OSBPL3: variants seen among roughly 807,000 people sequenced by gnomAD.
OSBPL3 encodes oxysterol-binding protein-related protein 3.
In OSBPL3, 65 loss-of-function variants were observed where a neutral mutation model predicts 120.1. That is an observed-to-expected ratio of 0.54 (90% CI 0.44 to 0.67). OSBPL3 has a LOEUF of 0.67. Among genes scored for constraint, OSBPL3 ranks in the 30% least tolerant of loss-of-function variants. OSBPL3 has a pLI of 0.00. For missense variants in OSBPL3, 1,004 were observed against 1,082.1 expected (o/e 0.93, Z 1.01); for synonymous variants, 416 against 402.6 (o/e 1.03, Z -0.40).
Position 24,894,573 on chromosome 7 carries a change from G to A in OSBPL3, c.-149-1952C>T, listed in dbSNP as rs1449197641. On this transcript the variant is annotated intron_variant, in intron 1 of 22. Transcript: ENST00000313367. This position sits in a 1 kb window ranked among gnomAD's most constrained non-coding sequence, Gnocchi z 4.1. ...AAATGTGTGTCTGTGCTTGGGGCGG[G>A]GAGGGGGCATCCACTGCTATGGCAA... Among the ~76,000 whole-genome samples, 1 of 152,174 alleles carries A rather than the reference G, an allele frequency of 6.6e-6. No individual in the cohort carries two copies. Among genetic ancestry groups the A allele is most frequent in the Non-Finnish European group, 1.5e-5 (1 of 68,036 alleles).
chr7:24,808,468 G>A lies in OSBPL3; in HGVS notation c.2317+1339C>T, dbSNP rs756915172. ...GGTACTTTAACACTGAGACAGGATC[G>A]CAGTTCTCATCTGTGATGCATACTT... On this transcript the variant is annotated intron_variant, in intron 20 of 22. Transcript: ENST00000313367. The surrounding 1 kb of genome is among the most constrained non-coding windows in gnomAD (Gnocchi z 4.6). Among the ~76,000 whole-genome samples, 8 of 152,178 alleles carry A rather than the reference G, an allele frequency of 5.3e-5. No individual in the cohort carries two copies. Among genetic ancestry groups the A allele is most frequent in the Non-Finnish European group, 1.2e-4 (8 of 68,032 alleles).
chr7:24,892,350 T>C, intron 2 of OSBPL3, 27 bp downstream of exon 2: 1 of 1,605,010 alleles, frequency 6.2e-7, no homozygotes, highest in Non-Finnish European at 8.5e-7. Flanking sequence ...CATTTGCATA[T>C]TAAAATTTGC....
At chr7:24,847,689 G>A (rs1049743339) in intron 12 of OSBPL3, among the ~76,000 whole-genome samples, 1 of 152,120 alleles carries the variant, frequency 6.6e-6, no homozygotes, top group African/African-American at 2.4e-5. Flanking sequence ...AGTAAATTGT[G>A]ATAATACTAT....
At chr7:24,893,947 C>A (rs1805742452) in intron 1 of OSBPL3, among the ~76,000 whole-genome samples, 1 of 152,224 alleles carries the variant, frequency 6.6e-6, no homozygotes, top group Admixed American at 6.5e-5. Context: ...GTAAATTCTA[C>A]AGCTTTCCTA....
intron 1 of OSBPL3, among the ~76,000 whole-genome samples, chr7:24,970,112 T>C (rs1816838441): frequency 1.4e-5 from 2 of 142,740 alleles, no homozygotes; most frequent in East Asian, 2.0e-4. Flanking sequence ...TTCTTTTTTT[T>C]TTTTTTTTTT....
rs925329810 is a variant in OSBPL3, at chr7:24,834,803, C to G, written c.1496-67G>C. The G allele has an allele frequency of 1.5e-6, 2 of 1,375,134 alleles. No homozygotes were observed. The highest frequency in any genetic ancestry group is 4.8e-5 in the Admixed American group (2 of 41,564). 85.2% of individuals were successfully genotyped at this position (1,375,134 alleles called of 1,614,324 possible). On this transcript the variant is annotated intron_variant, in intron 14 of 22. Transcript: ENST00000313367. This position sits in a 1 kb window ranked among gnomAD's most constrained non-coding sequence, Gnocchi z 5.2. Reference sequence around the variant, plus strand: ...ATTTTATTCTATTATTTTTAATCCACGAATAAAACCTTACGTAGCAAGTAG... The same window carrying G: ...ATTTTATTCTATTATTTTTAATCCAGGAATAAAACCTTACGTAGCAAGTAG...
Position 24,816,583 on chromosome 7 carries a change from C to T in OSBPL3, c.2027+27G>A, listed in dbSNP as rs1236910778. The T allele has an allele frequency of 5.8e-6, 9 of 1,542,078 alleles. No homozygotes were observed. The South Asian group carries it at 7.8e-5, about 13-fold the overall frequency. On this transcript the variant is annotated intron_variant, in intron 18 of 22. Coordinates refer to ENST00000313367, the MANE Select transcript of OSBPL3 (RefSeq NM_015550.4). ...AATCTTGGCCCTAAATTCCATAAAG[C>T]TCCTTAACCACAGAAGAAGAACTTA...
At chr7:24,843,534 G>A (rs1798038218) in intron 12 of OSBPL3, among the ~76,000 whole-genome samples, 2 of 152,190 alleles carry the variant, frequency 1.3e-5, no homozygotes, top group Admixed American at 6.5e-5. Context: ...GGGAGGGGAT[G>A]CTATGACAGG....
chr7:24,907,198 A>T (rs563782428), intron 1 of OSBPL3, among the ~76,000 whole-genome samples: 87 of 152,308 alleles, frequency 5.7e-4, no homozygotes, highest in African/African-American at 1.9e-3. Flanking sequence ...TTTCTCTCCC[A>T]GCACTTCAAT....
At chr7:24,843,188 G>C (rs1400216068) in intron 12 of OSBPL3, among the ~76,000 whole-genome samples, 1 of 152,100 alleles carries the variant, frequency 6.6e-6, no homozygotes, top group African/African-American at 2.4e-5. Context: ...AAGGTTTGTG[G>C]ACTGAATGAA....
chr7:24,979,782 G>C, intron 1 of OSBPL3, 104 bp downstream of exon 1: 1 of 626,546 alleles, frequency 1.6e-6, no homozygotes, highest in Non-Finnish European at 2.0e-6. Context: ...CCCCGGTCCG[G>C]CAGAGAACCG....
intron 14 of OSBPL3, among the ~76,000 whole-genome samples, chr7:24,840,134 G>A (rs562267668): frequency 6.8e-6 from 1 of 147,930 alleles, no homozygotes; most frequent in African/African-American, 2.5e-5. Flanking sequence ...TCACATGTGG[G>A]TGCTAGATTA....
chr7:24,934,778 T>C (rs1165025727), intron 1 of OSBPL3, among the ~76,000 whole-genome samples: 4 of 152,218 alleles, frequency 2.6e-5, no homozygotes, highest in Non-Finnish European at 5.9e-5. Flanking sequence ...TTTTCAGTTA[T>C]GTCTTCTGTT....
At position 24,952,334 on chromosome 7, in the gene OSBPL3, C is replaced by G. The variant is rs1814539997; in HGVS notation, c.-150+27552G>C. Among the ~76,000 whole-genome samples the G allele has an allele frequency of 6.6e-6, 1 of 152,146 alleles. No individual in the cohort carries two copies. The highest frequency in any genetic ancestry group is 2.4e-5 in the African/African-American group (1 of 41,438). On this transcript the variant is annotated intron_variant, in intron 1 of 22. Coordinates refer to ENST00000313367, the MANE Select transcript of OSBPL3 (RefSeq NM_015550.4). The surrounding 1 kb of genome is among the most constrained non-coding windows in gnomAD (Gnocchi z 4.4). ...TATTTTAAGGACAGAGAAACTGAGGCCCACAAGGCTCAAGTTTTGCCCAAT... is the reference window on the plus strand; with the variant it reads ...TATTTTAAGGACAGAGAAACTGAGGGCCACAAGGCTCAAGTTTTGCCCAAT...
At chr7:24,925,159 C>A (rs1289349218) in intron 1 of OSBPL3, among the ~76,000 whole-genome samples, 2 of 152,190 alleles carry the variant, frequency 1.3e-5, no homozygotes, top group Non-Finnish European at 2.9e-5. Flanking sequence ...AAAAAGCCAG[C>A]AGCTGAAACA....
chr7:24,979,599 G>A (rs898361687), intron 1 of OSBPL3, among the ~76,000 whole-genome samples: 6 of 152,042 alleles, frequency 3.9e-5, no homozygotes, highest in Non-Finnish European at 8.8e-5. Context: ...CTGCGCCGCG[G>A]CCCCTGCGCT....
intron 2 of OSBPL3, among the ~76,000 whole-genome samples, chr7:24,886,735 T>G (rs1804585496): frequency 6.6e-6 from 1 of 152,210 alleles, no homozygotes; most frequent in Non-Finnish European, 1.5e-5. Context: ...ACGATGGCAG[T>G]GTTAAGCATG....
At chr7:24,856,552 T>C (rs1489696388) in intron 10 of OSBPL3, among the ~76,000 whole-genome samples, 1 of 152,236 alleles carries the variant, frequency 6.6e-6, no homozygotes, top group Non-Finnish European at 1.5e-5. Flanking sequence ...AAAGAAATTC[T>C]CTAATAAGGC....
chr7:24,889,168 C>T (rs1804961034), intron 2 of OSBPL3, among the ~76,000 whole-genome samples: 1 of 152,084 alleles, frequency 6.6e-6, no homozygotes, highest in Admixed American at 6.6e-5. Flanking sequence ...TACTATTCAG[C>T]CTTAAAAAAG....
Sources: gnomAD v4.1 joint callset for allele counts (sites outside exome capture counted in the v4.1 genomes callset) on GRCh38, gnomAD v4.1.1 for gene constraint, Gnocchi (gnomAD v3.1) non-coding constraint, MANE v1.5 for transcripts, NCBI Gene and HGNC (gene_info 2026-07-23, HGNC 2026-07-21) for gene names.